Variants in LATS2 observed in about 807,000 individuals in gnomAD.
LATS2 encodes serine/threonine-protein kinase LATS2.
LATS2 carries 24 observed loss-of-function variants against 76.0 expected under a neutral mutation model. That is an observed-to-expected ratio of 0.32 (90% CI 0.23 to 0.44). The LOEUF (loss-of-function observed/expected upper bound fraction) is 0.44, where lower values mean the gene tolerates loss of function less well. Ranked by LOEUF, LATS2 falls within the 20% of genes least tolerant of loss-of-function variation. The pLI, the probability that LATS2 is intolerant of heterozygous loss-of-function variation, is 1.00. For synonymous variants in LATS2, 692 were observed against 635.4 expected, an observed-to-expected ratio of 1.09 and a Z score of -1.34; for missense variants, 1,286 against 1,481.2, an observed-to-expected ratio of 0.87 and a Z score of 2.16.
Position 20,974,339 on chromosome 13 carries a change from A to G in LATS2, c.*531T>C, listed in dbSNP as rs1869488951. 2 of 227,172 alleles carry G rather than the reference A, an allele frequency of 8.8e-6. No individual in the cohort carries two copies. The highest frequency in any genetic ancestry group is 1.3e-4 in the East Asian group (2 of 15,644). 14.1% of individuals were successfully genotyped at this position (227,172 alleles called of 1,614,324 possible). On this transcript the variant is annotated 3_prime_UTR_variant, in exon 8 of 8. Coordinates refer to ENST00000382592, the MANE Select transcript of LATS2 (RefSeq NM_014572.3). ...GCTTTTAACATTATATCATTATATC[A>G]CAATTTTGAAACATGGGAAAAAATA...
At chr13:20,982,590 C>T (rs908862309) in intron 5 of LATS2, among the ~76,000 whole-genome samples, 6 of 152,016 alleles carry the variant, frequency 3.9e-5, no homozygotes, top group Non-Finnish European at 1.5e-5. Flanking sequence ...GGATTACAGG[C>T]GTGAGCCACC....
chr13:20,988,430 C>T lies in LATS2; in HGVS notation c.1350G>A (p.Leu450=). 6.8e-7 allele frequency: 1 copy of T among 1,478,026 alleles called. No homozygotes were observed. Among genetic ancestry groups the T allele is most frequent in the Non-Finnish European group, 8.9e-7 (1 of 1,122,616 alleles). 91.6% of individuals were successfully genotyped at this position (1,478,026 alleles called of 1,614,324 possible). A position where few individuals can be genotyped will look rare whatever the true frequency, so the allele number is the denominator to read the frequency against. The change falls in exon 4 of 8, where the codon CTG becomes CTA. Residue 450 remains leucine (L), a synonymous_variant. Transcript: ENST00000382592. ...ILHPVKSVRV[L]RPEPQTAVGP... ...CCACAGCCGTCTGCGGCTCCGGCCTCAGCACACGCACGCTCTTCACCGGGT... is the reference window on the plus strand; with the variant it reads ...CCACAGCCGTCTGCGGCTCCGGCCTTAGCACACGCACGCTCTTCACCGGGT...
At chr13:21,049,288 C>A (rs890775814) in intron 1 of LATS2, among the ~76,000 whole-genome samples, 6 of 152,178 alleles carry the variant, frequency 3.9e-5, no homozygotes, top group Non-Finnish European at 8.8e-5. Flanking sequence ...TATGGTTCAG[C>A]TAAGGAGTGA....
chr13:21,007,634 A>AG (rs1871358750), intron 2 of LATS2, among the ~76,000 whole-genome samples: 12 of 1,154 alleles, frequency 0.01, 1 homozygote, highest in Non-Finnish European at 0.033. Flanking sequence ...GTATATATAT[A>AG]TATATATATA....
intron 2 of LATS2, among the ~76,000 whole-genome samples, chr13:21,009,279 G>A (rs1485215870): frequency 2.6e-5 from 4 of 152,216 alleles, no homozygotes; most frequent in Non-Finnish European, 4.4e-5. Flanking sequence ...GAGCAAGCAT[G>A]CTGCACATTC....
At position 21,057,589 on chromosome 13, in the gene LATS2, C is replaced by T. The variant is rs910165502; in HGVS notation, c.-205+3757G>A. Among the ~76,000 whole-genome samples the T allele has an allele frequency of 3.3e-5, 5 of 151,794 alleles. No individual in the cohort carries two copies. The South Asian group carries it at 1.0e-3, about 32-fold the overall frequency. ...CGGGTGGATCACGAGGTCAGGAGAT[C>T]GAGACCATCCTGGCTACTACGGTGA... On this transcript the variant is annotated intron_variant, in intron 1 of 7. Coordinates refer to ENST00000382592, the MANE Select transcript of LATS2 (RefSeq NM_014572.3).
At chr13:20,996,068 TTAC>T (rs1870736860) in intron 2 of LATS2, among the ~76,000 whole-genome samples, 1 of 152,176 alleles carries the variant, frequency 6.6e-6, no homozygotes, top group South Asian at 2.1e-4. Flanking sequence ...TTGAAGTTGG[TTAC>T]CACGCCCATA....
At chr13:21,037,936 G>C (rs931390691) in intron 2 of LATS2, among the ~76,000 whole-genome samples, 1 of 152,172 alleles carries the variant, frequency 6.6e-6, no homozygotes, top group Non-Finnish European at 1.5e-5. Context: ...TTTCCAGAAG[G>C]GAAATGACAG....
intron 2 of LATS2, among the ~76,000 whole-genome samples, chr13:21,030,810 A>C (rs557778141): frequency 1.7e-4 from 26 of 152,214 alleles, no homozygotes; most frequent in South Asian, 4.1e-4. Context: ...ATTGATATCT[A>C]CTGTTTCTAG....
Position 21,060,241 on chromosome 13 carries a change from A to C in LATS2, c.-205+1105T>G, listed in dbSNP as rs572168176. Among the ~76,000 whole-genome samples, 291 of 152,310 alleles carry C rather than the reference A, an allele frequency of 1.9e-3. 1 individual carries two copies. Among genetic ancestry groups the C allele is most frequent in the Non-Finnish European group, 6.5e-4 (44 of 68,032 alleles). ...AGGCCGCACTCCATCCCCGAGGGAA[A>C]GCTCCCCAGAAGTTCTGGAGTTGGG... On this transcript the variant is annotated intron_variant, in intron 1 of 7. Coordinates refer to ENST00000382592, the MANE Select transcript of LATS2 (RefSeq NM_014572.3).
chr13:21,026,351 A>G (rs1002202227), intron 2 of LATS2, among the ~76,000 whole-genome samples: 1 of 152,134 alleles, frequency 6.6e-6, no homozygotes, highest in African/African-American at 2.4e-5. Context: ...CTACTAAATA[A>G]ATAAAACTGT....
intron 1 of LATS2, among the ~76,000 whole-genome samples, chr13:21,055,047 C>T (rs1338670282): frequency 6.6e-6 from 1 of 152,174 alleles, no homozygotes; most frequent in Non-Finnish European, 1.5e-5. Flanking sequence ...AAGGATGAAA[C>T]GTTCCTTCAG....
At chr13:21,040,010 T>C (rs561368880) in intron 2 of LATS2, among the ~76,000 whole-genome samples, 30 of 151,360 alleles carry the variant, frequency 2.0e-4, no homozygotes, top group African/African-American at 7.0e-4. Flanking sequence ...AAGGCAGAGG[T>C]TGCAGTAAGC....
At position 20,987,959 on chromosome 13, in the gene LATS2, C is replaced by T; in HGVS notation, c.1821G>A (p.Glu607=). ...YSPYAFKFFM[E]QHVENVIKTY... ...TTTTGATGACATTCTCCACGTGCTG[C>T]TCCATGAAGAACTTAAAGGCGTATG... The change falls in exon 4 of 8, where the codon GAG becomes GAA. Residue 607 remains glutamate (E), a synonymous_variant. Transcript: ENST00000382592. 1 of 1,614,236 alleles carries T rather than the reference C, an allele frequency of 6.2e-7. No homozygotes were observed. The highest frequency in any genetic ancestry group is 8.5e-7 in the Non-Finnish European group (1 of 1,180,020).
intron 2 of LATS2, among the ~76,000 whole-genome samples, chr13:21,034,419 G>A (rs1595248535): frequency 2.0e-5 from 3 of 152,134 alleles, no homozygotes; most frequent in African/African-American, 7.2e-5. Flanking sequence ...GGTCCTGACC[G>A]GGGAGGTGTT....
At chr13:21,000,781 TAAGCAAAAAC>T (rs1464267244) in intron 2 of LATS2, among the ~76,000 whole-genome samples, 1 of 152,030 alleles carries the variant, frequency 6.6e-6, no homozygotes, top group Non-Finnish European at 1.5e-5. Context: ...GTAGCAAAAA[TAAGCAAAAAC>T]AAAACAGGCA....
At chr13:20,999,545 T>C (rs947554277) in intron 2 of LATS2, among the ~76,000 whole-genome samples, 11 of 152,116 alleles carry the variant, frequency 7.2e-5, no homozygotes, top group African/African-American at 2.7e-4. Flanking sequence ...CAGGGCTCAT[T>C]GCAGCCTGGC....
intron 7 of LATS2, among the ~76,000 whole-genome samples, chr13:20,976,878 T>C (rs1365381266): frequency 2.0e-5 from 3 of 152,164 alleles, no homozygotes; most frequent in African/African-American, 7.2e-5. Flanking sequence ...GGCAAACAGT[T>C]TGGGAGTTCC....
In LATS2 at chr13:20,988,597, C is replaced by T; in HGVS notation, c.1183G>A (p.Ala395Thr). Residue 395 changes from alanine (A) to threonine (T), a missense_variant, in exon 4 of 8, where the codon GCC (alanine) becomes ACC (threonine). Physicochemically the swap from Ala to Thr is moderately conservative, Grantham distance 58 (BLOSUM62 0). Coordinates refer to ENST00000382592, the MANE Select transcript of LATS2 (RefSeq NM_014572.3). The stretch of plus-strand genomic sequence containing the variant: ...GGCACTGGGCAGTCAGGCCGGAAGG[C>T]CACGTGCGCGCGCGGCGGCGCCTCC... Reference protein sequence around the residue: ...GLEAPPRAHVAFRPDCPVPSR... With the variant: ...GLEAPPRAHVTFRPDCPVPSR... 6.3e-7 allele frequency: 1 copy of T among 1,589,694 alleles called. No individual in the cohort carries two copies. Among genetic ancestry groups the T allele is most frequent in the South Asian group, 1.1e-5 (1 of 90,188 alleles).
Sources: gnomAD v4.1 joint callset for allele counts (sites outside exome capture counted in the v4.1 genomes callset) on GRCh38, gnomAD v4.1.1 for gene constraint, MANE v1.5 for transcripts, NCBI Gene and HGNC (gene_info 2026-07-23, HGNC 2026-07-21) for gene names.